The following ADAM22 variants were observed in gnomAD, a reference collection of about 807,000 sequenced individuals.
The protein encoded by ADAM22 is ADAM metallopeptidase domain 22.
ADAM22 carries 65 observed loss-of-function variants against 144.6 expected under a neutral mutation model. That is an observed-to-expected ratio of 0.45 (90% confidence interval 0.37 to 0.55). The LOEUF is 0.55. Among genes scored for constraint, ADAM22 ranks in the 20% least tolerant of loss-of-function variants. ADAM22 has a pLI of 0.00. For synonymous variants in ADAM22, 391 were observed against 412.6 expected, an observed-to-expected ratio of 0.95 and a Z score of 0.63; for missense variants, 974 against 1,184.9, an observed-to-expected ratio of 0.82 and a Z score of 2.61.
chr7:87,943,793 T>C (rs1365349260), intron 2 of ADAM22, among the ~76,000 whole-genome samples: 1 of 152,216 alleles, frequency 6.6e-6, no homozygotes, highest in Non-Finnish European at 1.5e-5. Flanking sequence ...TTGTTATTTG[T>C]GTTGAAGAGA....
intron 7 of ADAM22, among the ~76,000 whole-genome samples, chr7:88,121,945 A>G (rs1336676237): frequency 6.6e-6 from 1 of 152,164 alleles, no homozygotes; most frequent in African/African-American, 2.4e-5. Context: ...CTGAGTAATA[A>G]ATTACCACAA....
intron 3 of ADAM22, among the ~76,000 whole-genome samples, chr7:88,056,362 G>A (rs1808255839): frequency 6.6e-6 from 1 of 152,110 alleles, no homozygotes; most frequent in Non-Finnish European, 1.5e-5. Context: ...CTTTTCACTT[G>A]GATGCATCTG....
At chr7:88,155,799 A>G (rs1839792174) in intron 21 of ADAM22, 88 bp from the exon 22 acceptor site, 2 of 1,481,118 alleles carry the variant, frequency 1.4e-6, no homozygotes, top group Admixed American at 4.4e-5. Flanking sequence ...GATGAAAACC[A>G]AATGCTAAAA....
chr7:87,985,198 G>A (rs7803521), intron 3 of ADAM22, among the ~76,000 whole-genome samples: 89,406 of 150,910 alleles, frequency 0.59, 27,480 homozygotes, highest in African/African-American at 0.76. Flanking sequence ...CTGTAGTCCC[G>A]GTTACTCGGG....
At chr7:87,988,629 AT>A (rs1373662188) in intron 3 of ADAM22, among the ~76,000 whole-genome samples, 1 of 152,182 alleles carries the variant, frequency 6.6e-6, no homozygotes, top group Admixed American at 6.5e-5. Flanking sequence ...ACTGATAATT[AT>A]TTCTTCTTAA....
chr7:88,150,745 G>A (rs1838099620), intron 18 of ADAM22, among the ~76,000 whole-genome samples: 1 of 152,092 alleles, frequency 6.6e-6, no homozygotes, highest in Admixed American at 6.5e-5. Flanking sequence ...AGGGGCAAGT[G>A]TACCCATTGT....
chr7:88,116,746 A>T lies in ADAM22; in HGVS notation c.539A>T (p.Glu180Val), dbSNP rs1413152072. The T allele has an allele frequency of 6.2e-7, 1 of 1,612,314 alleles. No homozygotes were observed. Among genetic ancestry groups the T allele is most frequent in the African/African-American group, 1.3e-5 (1 of 74,862 alleles). The change falls in exon 7 of 32, where the codon GAG (glutamate) becomes GTG (valine). Residue 180 changes from glutamate (E) to valine (V), a missense_variant and splice_region_variant. Physicochemically the swap from Glu to Val is moderately radical, Grantham distance 121. Around this residue, in one of 2 missense-constraint regions of ADAM22, gnomAD observed 734 missense variants for 950.6 expected, o/e 0.77. Transcript: ENST00000413139. The part of the protein sequence containing the change: ...IEPEENDTTQ[E>V]DFHFHSVYKS... ...TCACTGTTGCTTGTGTCATTTCAGG[A>T]GGATTTCCATTTTCATTCAGTTTAC...
Position 88,198,218 on chromosome 7 carries a change from T to G in ADAM22, c.*1727T>G, listed in dbSNP as rs562952446. The G allele has an allele frequency of 6.2e-4, 95 of 152,354 alleles. No individual in the cohort carries two copies. Among genetic ancestry groups the G allele is most frequent in the African/African-American group, 2.1e-3 (86 of 41,584 alleles). The allele number at this position is 152,354 out of a possible 1,614,324, so 9.4% of individuals were successfully genotyped here. On this transcript the variant is annotated 3_prime_UTR_variant, in exon 32 of 32. Coordinates refer to ENST00000413139, the MANE Select transcript of ADAM22 (RefSeq NM_001324418.2). ...ATATCATCTTCATATGTAATCAATT[T>G]GATTACATATCATGCCCAAACTGAA...
At chr7:88,032,265 CTG>C in intron 3 of ADAM22, among the ~76,000 whole-genome samples, 1 of 152,202 alleles carries the variant, frequency 6.6e-6, no homozygotes. Flanking sequence ...TTCTGCAAAA[CTG>C]GGGTGGAGCT....
chr7:87,934,638 C>T, intron 1 of ADAM22, 88 bp downstream of exon 1: 1 of 1,247,880 alleles, frequency 8.0e-7, no homozygotes, highest in Non-Finnish European at 1.1e-6. Flanking sequence ...GGGGCATCCC[C>T]ATTTCCCGAG....
chr7:88,089,834 G>A (rs1819390570), intron 4 of ADAM22: 1 of 152,182 alleles, frequency 6.6e-6, no homozygotes, highest in Non-Finnish European at 1.5e-5. Flanking sequence ...CTGTGGAGAT[G>A]GGGAGGCTGC....
chr7:88,032,932 T>C (rs1035649221), intron 3 of ADAM22, among the ~76,000 whole-genome samples: 3 of 152,208 alleles, frequency 2.0e-5, no homozygotes, highest in Non-Finnish European at 4.4e-5. Context: ...TTCTGAGGCC[T>C]TCCCAGAAGT....
At chr7:87,939,924 TG>T (rs1842126325) in intron 2 of ADAM22, among the ~76,000 whole-genome samples, 1 of 152,166 alleles carries the variant, frequency 6.6e-6, no homozygotes, top group African/African-American at 2.4e-5. Flanking sequence ...CTGGGCATGG[TG>T]GCCCACACCT....
At chr7:88,039,464 A>AAAAAAAAAAAAATATATATATAT in intron 3 of ADAM22, among the ~76,000 whole-genome samples, 3 of 76,374 alleles carry the variant, frequency 3.9e-5, no homozygotes, top group African/African-American at 1.4e-4. Flanking sequence ...AAAAAAAAAA[A>AAAAAAAAAAAAATATATATATAT]ATATATATAT....
chr7:87,935,123 C>T lies in ADAM22; in HGVS notation c.183C>T (p.Gly61=). ...VPLRLIYRSG[G]EDESRHDALD... ...TGCGCCTCATCTACCGCTCGGGCGG[C>T]GAAGACGAAAGTCGGCACGACGCGC... Residue 61 remains glycine (G), a synonymous_variant, in exon 2 of 32, where the codon GGC becomes GGT. Transcript: ENST00000413139. 6.2e-7 allele frequency: 1 copy of T among 1,613,706 alleles called. No homozygotes were observed. The highest frequency in any genetic ancestry group is 8.5e-7 in the Non-Finnish European group (1 of 1,179,894).
At chr7:88,095,261 C>T (rs1029586318) in intron 4 of ADAM22, among the ~76,000 whole-genome samples, 3 of 152,134 alleles carry the variant, frequency 2.0e-5, no homozygotes, top group African/African-American at 7.2e-5. Context: ...ATAAGAAGTT[C>T]CTCCAAGAGA....
chr7:87,982,539 T>C (rs903415682), intron 3 of ADAM22, among the ~76,000 whole-genome samples: 7 of 151,058 alleles, frequency 4.6e-5, no homozygotes, highest in Non-Finnish European at 1.0e-4. Context: ...ATCTAGGGCC[T>C]TGTAGGCAAC....
chr7:87,934,920 G>T, intron 1 of ADAM22, 106 bp from the exon 2 acceptor site: 1 of 1,507,428 alleles, frequency 6.6e-7, no homozygotes, highest in Non-Finnish European at 9.2e-7. Context: ...GGGCGGTGGG[G>T]ATTTTCGTAG....
intron 3 of ADAM22, among the ~76,000 whole-genome samples, chr7:88,017,665 A>G (rs900510349): frequency 2.0e-5 from 3 of 152,096 alleles, no homozygotes; most frequent in Non-Finnish European, 2.9e-5. Context: ...AGTTTTATTT[A>G]CTTCTATTCC....
Sources: gnomAD v4.1 joint callset for allele counts (sites outside exome capture counted in the v4.1 genomes callset) on GRCh38, gnomAD v4.1.1 for gene constraint, gnomAD v4.1.1 regional missense constraint, MANE v1.5 for transcripts, NCBI Gene and HGNC (gene_info 2026-07-23, HGNC 2026-07-21) for gene names.